The following MNAT1 variants were observed in gnomAD, a reference collection of about 807,000 sequenced individuals.
MNAT1 encodes MNAT1 component of CDK activating kinase.
Under a neutral mutation model 42.0 loss-of-function variants are expected in MNAT1, and 43 were observed. The ratio of observed to expected loss-of-function variants is 1.02; its 90% CI spans 0.80 to 1.32. MNAT1 has a LOEUF of 1.32. MNAT1 is among the 40% of genes most tolerant of loss of function. The probability of loss-of-function intolerance (pLI) is 0.00; values close to 1 mark genes in which losing one functional copy is unlikely to be tolerated. For missense variants in MNAT1, 306 were observed against 350.4 expected (o/e 0.87, Z 1.01); for synonymous variants, 118 against 120.0 (o/e 0.98, Z 0.11).
intron 1 of MNAT1, among the ~76,000 whole-genome samples, chr14:60,772,940 T>G (rs988627141): frequency 3.3e-5 from 5 of 150,844 alleles, no homozygotes. Flanking sequence ...TTTATTTATT[T>G]ATTTATTTAT....
intron 1 of MNAT1, among the ~76,000 whole-genome samples, chr14:60,765,856 A>G (rs1426486870): frequency 6.6e-6 from 1 of 152,196 alleles, no homozygotes; most frequent in Non-Finnish European, 1.5e-5. Context: ...ATTCTTTATT[A>G]AAGTGTAGAA....
intron 6 of MNAT1, among the ~76,000 whole-genome samples, chr14:60,837,626 G>A (rs551483386): frequency 2.4e-4 from 36 of 152,318 alleles, no homozygotes; most frequent in African/African-American, 8.7e-4. Flanking sequence ...CTTCTGCATT[G>A]ATCTTGCTGC....
intron 7 of MNAT1, among the ~76,000 whole-genome samples, chr14:60,947,350 C>T (rs761317315): frequency 9.7e-4 from 147 of 152,234 alleles, no homozygotes; most frequent in Non-Finnish European, 1.7e-3. Flanking sequence ...AAGGTATTTG[C>T]TCAGAACCCA....
chr14:60,941,545 A>G (rs1594895751), intron 7 of MNAT1, among the ~76,000 whole-genome samples: 1 of 152,164 alleles, frequency 6.6e-6, no homozygotes, highest in East Asian at 1.9e-4. Flanking sequence ...ACAAAAATTT[A>G]AAGAACAAAA....
chr14:60,787,918 T>C (rs116700508), intron 1 of MNAT1, among the ~76,000 whole-genome samples: 1,998 of 152,282 alleles, frequency 0.013, 43 homozygotes, highest in African/African-American at 0.046. Context: ...TCTGTGAGGA[T>C]TGGAATCAAC....
At chr14:60,753,879 A>G (rs1212068332) in intron 1 of MNAT1, 1 of 152,146 alleles carries the variant, frequency 6.6e-6, no homozygotes, top group Non-Finnish European at 1.5e-5. Context: ...CCAATCGAAT[A>G]TGGTAGAAGT....
chr14:60,962,054 T>C lies in MNAT1; in HGVS notation c.810-6175T>C, dbSNP rs533927325. On this transcript the variant is annotated intron_variant, in intron 7 of 7. Coordinates refer to ENST00000261245, the MANE Select transcript of MNAT1 (RefSeq NM_002431.4). ...ACACAAAATCTAGGCTCATATTACT[T>C]GCTATTTTTAGATTTTTTAATGAAA... is the stretch of plus-strand genomic sequence containing the variant. Among the ~76,000 whole-genome samples the C allele has an allele frequency of 4.6e-5, 7 of 152,326 alleles. No homozygotes were observed. In the South Asian group the frequency reaches 1.2e-3, roughly 27 times the overall value.
At chr14:60,906,348 G>C (rs748891551) in intron 7 of MNAT1, among the ~76,000 whole-genome samples, 1 of 152,148 alleles carries the variant, frequency 6.6e-6, no homozygotes, top group Non-Finnish European at 1.5e-5. Context: ...GGAGAATTTT[G>C]AACAGAAGTT....
At chr14:60,898,095 TTGTGTGTGTGTG>T (rs756357048) in intron 7 of MNAT1, among the ~76,000 whole-genome samples, 6,241 of 143,752 alleles carry the variant, frequency 0.043, 149 homozygotes, top group South Asian at 0.1. Flanking sequence ...TAGTAATACA[TTGTGTGTGTGTG>T]TGTGTGTGTG....
chr14:60,884,284 A>G (rs2034613856), intron 7 of MNAT1, among the ~76,000 whole-genome samples: 1 of 151,622 alleles, frequency 6.6e-6, no homozygotes, highest in Admixed American at 6.6e-5. Context: ...AGAATGTTGA[A>G]TTTTATTAAA....
At chr14:60,935,789 G>A (rs1185881641) in intron 7 of MNAT1, among the ~76,000 whole-genome samples, 1 of 152,118 alleles carries the variant, frequency 6.6e-6, no homozygotes, top group African/African-American at 2.4e-5. Flanking sequence ...TATAGTTGAA[G>A]ATGCAGTATT....
chr14:60,864,756 G>A (rs1171194657), intron 6 of MNAT1, among the ~76,000 whole-genome samples: 3 of 151,904 alleles, frequency 2.0e-5, no homozygotes, highest in Non-Finnish European at 2.9e-5. Flanking sequence ...TAATTGCATG[G>A]TGGTTTTATG....
chr14:60,789,480 C>A (rs1594755025), intron 1 of MNAT1, among the ~76,000 whole-genome samples: 1 of 152,234 alleles, frequency 6.6e-6, no homozygotes, highest in East Asian at 1.9e-4. Flanking sequence ...TGCCACAAAT[C>A]TTGAATTTGT....
intron 5 of MNAT1, among the ~76,000 whole-genome samples, chr14:60,816,354 G>T (rs1244361383): frequency 1.3e-5 from 2 of 151,994 alleles, no homozygotes; most frequent in Admixed American, 1.3e-4. Flanking sequence ...TTTTTAAACA[G>T]GTCCTGGCTT....
chr14:60,968,517 G>GAT lies in MNAT1; in HGVS notation c.*175_*176dup. On this transcript the variant is annotated 3_prime_UTR_variant, in exon 8 of 8. Coordinates refer to ENST00000261245, the MANE Select transcript of MNAT1 (RefSeq NM_002431.4). ...CAGAACTAAGTTGAGTAATATAGGG[G>GAT]ATATATATTTGTGAAAAATAATTTT... 6.8e-7 allele frequency: 1 copy of GAT among 1,467,018 alleles called. No homozygotes were observed. Among genetic ancestry groups the GAT allele is most frequent in the Non-Finnish European group, 9.1e-7 (1 of 1,102,634 alleles). The allele number at this position is 1,467,018 out of a possible 1,614,324, so 90.9% of individuals were successfully genotyped here.
intron 6 of MNAT1, among the ~76,000 whole-genome samples, chr14:60,866,534 C>T (rs1418036541): frequency 2.0e-5 from 3 of 151,810 alleles, no homozygotes; most frequent in Non-Finnish European, 2.9e-5. Flanking sequence ...AAAATTTGTA[C>T]GAATGAAATT....
At chr14:60,903,135 G>GT (rs11434422) in intron 7 of MNAT1, among the ~76,000 whole-genome samples, 137,797 of 151,488 alleles carry the variant, frequency 0.91, 63,465 homozygotes, top group Non-Finnish European at 0.99. Flanking sequence ...CTGTTTAAGT[G>GT]TTTTTTTGTA....
intron 4 of MNAT1, among the ~76,000 whole-genome samples, chr14:60,809,319 A>G (rs1383717440): frequency 1.3e-5 from 2 of 152,152 alleles, no homozygotes; most frequent in Admixed American, 6.5e-5. Flanking sequence ...AGTGTTTTAT[A>G]TCAGCATTTC....
At chr14:60,870,250 A>G (rs2034299388) in intron 6 of MNAT1, among the ~76,000 whole-genome samples, 1 of 152,138 alleles carries the variant, frequency 6.6e-6, no homozygotes, top group Non-Finnish European at 1.5e-5. Context: ...TAGAAAAGAA[A>G]CAGGTTCCAT....
Sources: gnomAD v4.1 joint callset for allele counts (sites outside exome capture counted in the v4.1 genomes callset) on GRCh38, gnomAD v4.1.1 for gene constraint, MANE v1.5 for transcripts, NCBI Gene and HGNC (gene_info 2026-07-23, HGNC 2026-07-21) for gene names.